CXCL1: variants seen among roughly 807,000 people sequenced by gnomAD.
CXCL1 encodes C-X-C motif chemokine ligand 1.
A neutral mutation model predicts 11.7 loss-of-function variants in CXCL1; 9 were observed. The observed-to-expected ratio is 0.77, with a 90% CI of 0.46 to 1.34. The LOEUF (loss-of-function observed/expected upper bound fraction) is 1.34. Ranked by LOEUF, CXCL1 falls within the 40% of genes most tolerant of loss-of-function variation. The probability of loss-of-function intolerance (pLI) is 0.00; values close to 1 mark genes in which losing one functional copy is unlikely to be tolerated. For synonymous variants in CXCL1, 78 were observed against 59.1 expected, an observed-to-expected ratio of 1.32 and a Z score of -1.47; for missense variants, 146 against 138.1, an observed-to-expected ratio of 1.06 and a Z score of -0.29.
chr4:73,870,796 G>T lies in CXCL1; in HGVS notation c.*260G>T. The T allele has an allele frequency of 2.8e-6, 1 of 356,046 alleles. No homozygotes were observed. The highest frequency in any genetic ancestry group is 5.1e-6 in the Non-Finnish European group (1 of 197,740). 22.1% of individuals were successfully genotyped at this position (356,046 alleles called of 1,614,324 possible). On this transcript the variant is annotated 3_prime_UTR_variant, in exon 4 of 4. Coordinates refer to ENST00000395761, the MANE Select transcript of CXCL1 (RefSeq NM_001511.4). ...CTGTCCTATTATATTCATTCTTTTT[G>T]AAATGTCAACCCCAAGTTAGTTCAA...
chr4:73,870,271 T>C (rs910352470), intron 3 of CXCL1: 1 of 613,912 alleles, frequency 1.6e-6, no homozygotes, highest in Non-Finnish European at 2.8e-6. Flanking sequence ...AGCAACAGGT[T>C]CTGGCTGTTT....
chr4:73,869,597 G>A (rs200829441), intron 1 of CXCL1, 27 bp downstream of exon 1: 103 of 1,612,696 alleles, frequency 6.4e-5, no homozygotes, highest in Non-Finnish European at 8.6e-5. Context: ...TGGGGTCCCC[G>A]GGCCGGACGC....
chr4:73,870,306 C>A, intron 3 of CXCL1: 3 of 588,172 alleles, frequency 5.1e-6, no homozygotes, highest in Non-Finnish European at 9.0e-6. Context: ...CAGTGGAGAC[C>A]ACCGCCCCAC....
chr4:73,870,983 T>C lies in CXCL1; in HGVS notation c.*447T>C, dbSNP rs1731940248. ...CATTGTGAAGGCAGGGGAATGTATG[T>C]GCACATCTGTTTTGTAACTGTTTAG... On this transcript the variant is annotated 3_prime_UTR_variant, in exon 4 of 4. Transcript: ENST00000395761. 2 of 154,780 alleles carry C rather than the reference T, an allele frequency of 1.3e-5. No homozygotes were observed. The highest frequency in any genetic ancestry group is 2.8e-5 in the Non-Finnish European group (2 of 72,510). The allele number at this position is 154,780 out of a possible 1,614,324, so 9.6% of individuals were successfully genotyped here.
In CXCL1 at chr4:73,870,622, C is replaced by T. The variant is rs1731929902; in HGVS notation, c.*86C>T. The T allele has an allele frequency of 3.3e-6, 5 of 1,518,280 alleles. No individual in the cohort carries two copies. The Admixed American group carries it at 7.1e-5, about 21-fold the overall frequency. The allele number at this position is 1,518,280 out of a possible 1,614,324, so 94.1% of individuals were successfully genotyped here. A position where few individuals can be genotyped will look rare whatever the true frequency, so the allele number is the denominator to read the frequency against. ...AACAGAAGAGGAAAGAGAGACACAGCTGCAGAGGCCACCTGGATTGTGCCT... is the reference window on the plus strand; with the variant it reads ...AACAGAAGAGGAAAGAGAGACACAGTTGCAGAGGCCACCTGGATTGTGCCT... On this transcript the variant is annotated 3_prime_UTR_variant, in exon 4 of 4. Coordinates refer to ENST00000395761, the MANE Select transcript of CXCL1 (RefSeq NM_001511.4).
rs200382055 is a variant in CXCL1 at position 73,869,478 on chromosome 4, G to T, written c.8G>T (p.Arg3Leu). The T allele has an allele frequency of 1.3e-6, 2 of 1,564,558 alleles. No homozygotes were observed. Among genetic ancestry groups the T allele is most frequent in the Non-Finnish European group, 1.7e-6 (2 of 1,156,324 alleles). MA[R>L]AALSAAPSNP... Reference sequence around the variant, plus strand: ...ACCCGCCTGCTGAGCCCCATGGCCCGCGCTGCTCTCTCCGCCGCCCCCAGC... The same window carrying T: ...ACCCGCCTGCTGAGCCCCATGGCCCTCGCTGCTCTCTCCGCCGCCCCCAGC... Residue 3 changes from arginine (R) to leucine (L), a missense_variant, in exon 1 of 4, where the codon CGC becomes CTC. By Grantham distance (102) the Arg-to-Leu change is moderately radical. Coordinates refer to ENST00000395761, the MANE Select transcript of CXCL1 (RefSeq NM_001511.4).
In CXCL1 at chr4:73,869,792, T is replaced by C. The variant is rs746126781; in HGVS notation, c.224T>C (p.Ile75Thr). ...PGPHCAQTEV[I>T]ATLKNGRKAC... is the part of the protein sequence containing the mutation. ...CCCCACTGCGCCCAAACCGAAGTCA[T>C]GTAAGTCCCGCCCCGCGCTGCCTCT... Residue 75 changes from isoleucine to threonine, a missense_variant and splice_region_variant, in exon 2 of 4, where the codon ATA (isoleucine) becomes ACA (threonine). Ile to Thr is a moderately conservative substitution (Grantham distance 89). Coordinates refer to ENST00000395761, the MANE Select transcript of CXCL1 (RefSeq NM_001511.4). The C allele has an allele frequency of 3.7e-6, 6 of 1,613,928 alleles. No homozygotes were observed. The highest frequency in any genetic ancestry group is 2.2e-5 in the East Asian group (1 of 44,860).
rs749211456 is a variant in CXCL1, at chr4:73,869,733, G to T, written c.165G>T (p.Lys55Asn). ...AGACCCTGCAGGGAATTCACCCCAA[G>T]AACATCCAAAGTGTGAACGTGAAGT... ...CLQTLQGIHPKNIQSVNVKSP... is the reference protein window; with the variant it reads ...CLQTLQGIHPNNIQSVNVKSP... Residue 55 changes from lysine (K) to asparagine (N), a missense_variant, in exon 2 of 4, where the codon AAG becomes AAT. Transcript: ENST00000395761. The T allele has an allele frequency of 6.2e-7, 1 of 1,614,180 alleles. No individual in the cohort carries two copies. Among genetic ancestry groups the T allele is most frequent in the Non-Finnish European group, 8.5e-7 (1 of 1,180,038 alleles).
At position 73,869,562 on chromosome 4, in the gene CXCL1, G is replaced by T. The variant is rs548620036; in HGVS notation, c.92G>T (p.Arg31Leu). 2 of 1,610,544 alleles carry T rather than the reference G, an allele frequency of 1.2e-6. No homozygotes were observed. Among genetic ancestry groups the T allele is most frequent in the Non-Finnish European group, 1.7e-6 (2 of 1,178,410 alleles). The change falls in exon 1 of 4, where the codon CGC (arginine) becomes CTC (leucine). Residue 31 changes from arginine to leucine, a missense_variant. Coordinates refer to ENST00000395761, the MANE Select transcript of CXCL1 (RefSeq NM_001511.4). ...LLLLLVAAGR[R>L]AAGASVATEL... ...CTGCTCCTGGTAGCCGCTGGCCGGC[G>T]CGCAGCAGGTGGGTACCGGCGCCCT... is the stretch of plus-strand genomic sequence containing the variant.
At position 73,869,778 on chromosome 4, in the gene CXCL1, C is replaced by T. The variant is rs1731898778; in HGVS notation, c.210C>T (p.Ala70=). ...TGAAGTCCCCCGGACCCCACTGCGC[C>T]CAAACCGAAGTCATGTAAGTCCCGC... is the stretch of plus-strand genomic sequence containing the variant. ...VNVKSPGPHC[A]QTEVIATLKN... is the part of the protein sequence containing the mutation. Residue 70 remains alanine, a synonymous_variant, in exon 2 of 4, where the codon GCC becomes GCT. Coordinates refer to ENST00000395761, the MANE Select transcript of CXCL1 (RefSeq NM_001511.4). The T allele has an allele frequency of 1.2e-6, 2 of 1,614,064 alleles. No individual in the cohort carries two copies. The highest frequency in any genetic ancestry group is 2.7e-5 in the African/African-American group (2 of 75,050).
chr4:73,871,281 C>T lies in CXCL1; in HGVS notation c.*745C>T, dbSNP rs183378609. 6.6e-6 allele frequency: 1 copy of T among 152,170 alleles called. No homozygotes were observed. Among genetic ancestry groups the T allele is most frequent in the African/African-American group, 2.4e-5 (1 of 41,442 alleles). 9.4% of individuals were successfully genotyped at this position (152,170 alleles called of 1,614,324 possible). On this transcript the variant is annotated 3_prime_UTR_variant, in exon 4 of 4. Transcript: ENST00000395761. ...TGGGGGGAAACAAGGGCTACCTTTA[C>T]TGGAAAATCTGGTGATTTATATCAA...
intron 3 of CXCL1, 122 bp downstream of exon 3, chr4:73,870,111 T>A (rs1177442868): frequency 1.2e-5 from 12 of 982,840 alleles, no homozygotes; most frequent in Non-Finnish European, 1.8e-5. Flanking sequence ...AAATTGGGAT[T>A]ATTGTTTTCA....
chr4:73,869,401 C>CG lies in CXCL1; in HGVS notation c.-67dup. 6.6e-7 allele frequency: 1 copy of CG among 1,508,016 alleles called. No homozygotes were observed. The highest frequency in any genetic ancestry group is 1.2e-5 in the South Asian group (1 of 83,420). 93.4% of individuals were successfully genotyped at this position (1,508,016 alleles called of 1,614,324 possible). A position where few individuals can be genotyped will look rare whatever the true frequency, so the allele number is the denominator to read the frequency against. On this transcript the variant is annotated 5_prime_UTR_variant, in exon 1 of 4. Coordinates refer to ENST00000395761, the MANE Select transcript of CXCL1 (RefSeq NM_001511.4). ...GCGGATCTCGGAGAGCCACAGAGCC[C>CG]GGGCCGCAGGCACCTCCTCGCCAGC... is the stretch of plus-strand genomic sequence containing the variant.
At chr4:73,869,855 C>G (rs1027632173) in intron 2 of CXCL1, 51 bp from the exon 3 acceptor site, 13 of 1,613,862 alleles carry the variant, frequency 8.1e-6, no homozygotes, top group Non-Finnish European at 1.1e-5. Flanking sequence ...GCTGCCCCAA[C>G]CCTGTCCCCA....
In CXCL1 at chr4:73,869,741, A is replaced by G. The variant is rs760965523; in HGVS notation, c.173A>G (p.Gln58Arg). ...CAGGGAATTCACCCCAAGAACATCC[A>G]AAGTGTGAACGTGAAGTCCCCCGGA... is the stretch of plus-strand genomic sequence containing the variant. ...TLQGIHPKNI[Q>R]SVNVKSPGPH... Residue 58 changes from glutamine (Q) to arginine (R), a missense_variant, in exon 2 of 4, where the codon CAA becomes CGA. By Grantham distance (43) the Gln-to-Arg change is conservative. Transcript: ENST00000395761. 7.4e-6 allele frequency: 12 copies of G among 1,614,028 alleles called. No individual in the cohort carries two copies. The highest frequency in any genetic ancestry group is 2.2e-5 in the South Asian group (2 of 91,072).
chr4:73,869,719 G>A lies in CXCL1; in HGVS notation c.151G>A (p.Gly51Arg), dbSNP rs745452423. 6.2e-7 allele frequency: 1 copy of A among 1,614,158 alleles called. No individual in the cohort carries two copies. Among genetic ancestry groups the A allele is most frequent in the African/African-American group, 1.3e-5 (1 of 75,042 alleles). ...CTGCCAGTGCTTGCAGACCCTGCAGGGAATTCACCCCAAGAACATCCAAAG... is the reference window on the plus strand; with the variant it reads ...CTGCCAGTGCTTGCAGACCCTGCAGAGAATTCACCCCAAGAACATCCAAAG... ...LRCQCLQTLQ[G>R]IHPKNIQSVN... Residue 51 changes from glycine to arginine, a missense_variant, in exon 2 of 4, where the codon GGA becomes AGA. By Grantham distance (125) the Gly-to-Arg change is moderately radical. Coordinates refer to ENST00000395761, the MANE Select transcript of CXCL1 (RefSeq NM_001511.4).
rs772788390 is a variant in CXCL1 at position 73,869,555 on chromosome 4, G to A, written c.85G>A (p.Gly29Ser). Reference protein sequence around the residue: ...ALLLLLLVAAGRRAAGASVAT... With the variant: ...ALLLLLLVAASRRAAGASVAT... ...GCTGCTCCTGCTCCTGGTAGCCGCT[G>A]GCCGGCGCGCAGCAGGTGGGTACCG... The change falls in exon 1 of 4, where the codon GGC (glycine) becomes AGC (serine). Residue 29 changes from glycine (G) to serine (S), a missense_variant. Coordinates refer to ENST00000395761, the MANE Select transcript of CXCL1 (RefSeq NM_001511.4). 90 of 1,609,854 alleles carry A rather than the reference G, an allele frequency of 5.6e-5. No homozygotes were observed. The highest frequency in any genetic ancestry group is 2.5e-4 in the East Asian group (11 of 44,772).
At position 73,869,669 on chromosome 4, in the gene CXCL1, G is replaced by C; in HGVS notation, c.101G>C (p.Gly34Ala). Residue 34 changes from glycine to alanine, a missense_variant and splice_region_variant, in exon 2 of 4, where the codon GGA (glycine) becomes GCA (alanine). By Grantham distance (60) the Gly-to-Ala change is moderately conservative (BLOSUM62 0). Coordinates refer to ENST00000395761, the MANE Select transcript of CXCL1 (RefSeq NM_001511.4). ...LLVAAGRRAA[G>A]ASVATELRCQ... is the part of the protein sequence containing the mutation. ...AGTCAGTGAGTCTCTTCTTCCCTAG[G>C]AGCGTCCGTGGCCACTGAACTGCGC... The C allele has an allele frequency of 6.2e-7, 1 of 1,614,150 alleles. No homozygotes were observed.
chr4:73,870,471 C>A, intron 3 of CXCL1, 50 bp from the exon 4 acceptor site: 1 of 1,611,736 alleles, frequency 6.2e-7, no homozygotes, highest in Admixed American at 1.7e-5. Flanking sequence ...GAGTGTTGTG[C>A]AATCAGCTTT....
Sources: gnomAD v4.1 joint callset for allele counts on GRCh38, gnomAD v4.1.1 for gene constraint, MANE v1.5 for transcripts, NCBI Gene and HGNC (gene_info 2026-07-23, HGNC 2026-07-21) for gene names.